DAPK2: variants seen among roughly 807,000 people sequenced by gnomAD.
DAPK2 encodes the protein death-associated protein kinase 2.
Under a neutral mutation model 44.1 loss-of-function variants are expected in DAPK2, and 35 were observed. The observed-to-expected ratio is 0.79, with a 90% CI of 0.61 to 1.05. The LOEUF (loss-of-function observed/expected upper bound fraction) is 1.05, where lower values mean the gene tolerates loss of function less well. Ranked by LOEUF, DAPK2 falls within the 50% of genes least tolerant of loss-of-function variation. The pLI is 0.00. For missense variants in DAPK2, 453 were observed against 483.2 expected (o/e 0.94, Z 0.59); for synonymous variants, 174 against 182.6 (o/e 0.95, Z 0.38).
At chr15:64,021,956 G>A (rs1020712936) in intron 1 of DAPK2, among the ~76,000 whole-genome samples, 1 of 152,206 alleles carries the variant, frequency 6.6e-6, no homozygotes, top group Admixed American at 6.5e-5. Context: ...ATGAGACTAA[G>A]TTGGTCACAT....
At chr15:63,975,515 G>C (rs2078319509) in intron 2 of DAPK2, among the ~76,000 whole-genome samples, 4 of 151,980 alleles carry the variant, frequency 2.6e-5, no homozygotes, top group Admixed American at 2.6e-4. Flanking sequence ...CAGTCCCATA[G>C]CTAGTAAATA....
At chr15:63,951,595 T>C (rs2077588525) in intron 3 of DAPK2, among the ~76,000 whole-genome samples, 2 of 152,188 alleles carry the variant, frequency 1.3e-5, no homozygotes, top group Admixed American at 1.3e-4. Flanking sequence ...TGGTTACCTT[T>C]TATTTCCGAT....
At chr15:63,941,650 A>G (rs946801000) in intron 3 of DAPK2, among the ~76,000 whole-genome samples, 2 of 147,492 alleles carry the variant, frequency 1.4e-5, no homozygotes, top group African/African-American at 4.9e-5. Flanking sequence ...AAAATAAATA[A>G]CACATTTCCT....
upstream of DAPK2, among the ~76,000 whole-genome samples, chr15:64,042,527 T>A (rs908491856): frequency 1.2e-4 from 18 of 152,088 alleles, no homozygotes; most frequent in African/African-American, 4.3e-4. This position sits in a 1 kb window ranked among gnomAD's most constrained non-coding sequence, Gnocchi z 4.7. Context: ...GCCAGCTCCA[T>A]TTGCTGAGAG....
At position 63,913,246 on chromosome 15, in the gene DAPK2, G is replaced by A. The variant is rs137907349; in HGVS notation, c.859-1049C>T. Among the ~76,000 whole-genome samples, 5 of 152,198 alleles carry A rather than the reference G, an allele frequency of 3.3e-5. No homozygotes were observed. The East Asian group carries it at 9.6e-4, about 29-fold the overall frequency. ...ACTAAAGGGTATGACATTTCTTCCT[G>A]GGGTAATGTAAATGTTCTGGAATTA... On this transcript the variant is annotated intron_variant, in intron 8 of 10. Transcript: ENST00000261891.
At chr15:63,985,987 T>C (rs182526973) in intron 1 of DAPK2, among the ~76,000 whole-genome samples, 68 of 152,316 alleles carry the variant, frequency 4.5e-4, no homozygotes, top group South Asian at 8.3e-4. Flanking sequence ...AAAGGAGGTA[T>C]TTTGAGAGTG....
At chr15:63,929,463 T>C in intron 6 of DAPK2, 88 bp downstream of exon 7, 2 of 1,543,178 alleles carry the variant, frequency 1.3e-6, no homozygotes, top group African/African-American at 1.4e-5. Flanking sequence ...GCTTAGTAAA[T>C]GTCAGTCTAT....
chr15:63,953,170 C>A (rs1595788719), intron 3 of DAPK2, among the ~76,000 whole-genome samples: 1 of 143,212 alleles, frequency 7.0e-6, no homozygotes, highest in Middle Eastern at 3.5e-3. Flanking sequence ...TCCATTGTAT[C>A]ATTCTTGTGC....
intron 2 of DAPK2, among the ~76,000 whole-genome samples, chr15:63,983,028 T>A (rs1361725517): frequency 2.6e-5 from 4 of 152,178 alleles, no homozygotes; most frequent in Non-Finnish European, 5.9e-5. Flanking sequence ...TAGCTATTAT[T>A]ATAACAATAA....
intron 1 of DAPK2, among the ~76,000 whole-genome samples, chr15:64,021,095 C>G (rs946636044): frequency 1.1e-4 from 16 of 152,334 alleles, no homozygotes; most frequent in South Asian, 2.1e-4. Context: ...TCTATGGCAA[C>G]AGAATTTCCC....
At chr15:63,960,429 T>C (rs1176032703) in intron 3 of DAPK2, among the ~76,000 whole-genome samples, 1 of 152,252 alleles carries the variant, frequency 6.6e-6, no homozygotes, top group East Asian at 1.9e-4. Context: ...TCTAGTTCTT[T>C]TAATTGTGAT....
At chr15:63,985,219 T>A (rs1423836333) in intron 1 of DAPK2, among the ~76,000 whole-genome samples, 1 of 152,210 alleles carries the variant, frequency 6.6e-6, no homozygotes, top group African/African-American at 2.4e-5. Context: ...TGGAGCCAAA[T>A]TTATCTTACA....
intron 1 of DAPK2, among the ~76,000 whole-genome samples, chr15:64,037,541 C>T (rs1448727399): frequency 1.3e-5 from 2 of 152,192 alleles, no homozygotes. Context: ...GCATAAACTG[C>T]CAGAGGACAG....
At chr15:64,031,030 A>G (rs1335542635) in intron 1 of DAPK2, among the ~76,000 whole-genome samples, 1 of 150,670 alleles carries the variant, frequency 6.6e-6, no homozygotes, top group Non-Finnish European at 1.5e-5. Flanking sequence ...TTTGCATAGT[A>G]TAATAGAAAC....
At position 63,990,244 on chromosome 15, in the gene DAPK2, C is replaced by T. The variant is rs955460002; in HGVS notation, c.93-6490G>A. Among the ~76,000 whole-genome samples, 13 of 98,880 alleles carry T rather than the reference C, an allele frequency of 1.3e-4. No homozygotes were observed. The highest frequency in any genetic ancestry group is 7.8e-5 in the Non-Finnish European group (3 of 38,320). The allele number at this position is 98,880 out of a possible 152,430, so 64.9% of individuals were successfully genotyped here. On this transcript the variant is annotated intron_variant, in intron 1 of 10. Transcript: ENST00000261891. This position sits in a 1 kb window ranked among gnomAD's most constrained non-coding sequence, Gnocchi z 4.3. ...AGAGTTTGAGACCAGCCTGGGCCAACAGGACAAAACCCCATCTCTCCTAAA... is the reference window on the plus strand; with the variant it reads ...AGAGTTTGAGACCAGCCTGGGCCAATAGGACAAAACCCCATCTCTCCTAAA...
At chr15:63,975,321 C>T (rs1007647079) in intron 2 of DAPK2, among the ~76,000 whole-genome samples, 15 of 152,116 alleles carry the variant, frequency 9.9e-5, no homozygotes, top group African/African-American at 3.1e-4. Flanking sequence ...GGCCTTAAAA[C>T]CTGTATTTTT....
intron 4 of DAPK2, chr15:63,935,580 A>G (rs2077121164): frequency 6.6e-6 from 1 of 152,018 alleles, no homozygotes; most frequent in African/African-American, 2.4e-5. Context: ...GGTACCCTTC[A>G]GTTTCACTAT....
chr15:63,989,723 G>T (rs975693177), intron 1 of DAPK2, among the ~76,000 whole-genome samples: 1 of 151,814 alleles, frequency 6.6e-6, no homozygotes, highest in African/African-American at 2.4e-5. Flanking sequence ...ACATAGTCTC[G>T]CTCTGTTGCC....
intron 1 of DAPK2, among the ~76,000 whole-genome samples, chr15:64,018,429 C>T (rs531038749): frequency 3.1e-4 from 47 of 152,300 alleles, no homozygotes; most frequent in African/African-American, 1.1e-3. Flanking sequence ...CAACCAGGTA[C>T]GAAGAAGGTG....
Sources: gnomAD v4.1 joint callset for allele counts (sites outside exome capture counted in the v4.1 genomes callset) on GRCh38, gnomAD v4.1.1 for gene constraint, Gnocchi (gnomAD v3.1) non-coding constraint, MANE v1.5 for transcripts, NCBI Gene and HGNC (gene_info 2026-07-23, HGNC 2026-07-21) for gene names.